The following SPTA1 variants were observed in gnomAD, a reference collection of about 807,000 sequenced individuals.
The protein encoded by SPTA1 is spectrin alpha, erythrocytic 1.
A neutral mutation model predicts 324.7 loss-of-function variants in SPTA1; 177 were observed. That is an observed-to-expected ratio of 0.55 (90% confidence interval 0.48 to 0.62). The LOEUF is 0.62. Among genes scored for constraint, SPTA1 ranks in the 20% least tolerant of loss-of-function variants. The pLI is 0.00. For missense variants in SPTA1, 3,162 were observed against 2,883.6 expected, an observed-to-expected ratio of 1.10 and a Z score of -2.21; for synonymous variants, 1,195 against 1,041.3, an observed-to-expected ratio of 1.15 and a Z score of -2.84.
At chr1:158,613,378 C>A (rs988642181) in intron 50 of SPTA1, among the ~76,000 whole-genome samples, 1 of 152,034 alleles carries the variant, frequency 6.6e-6, no homozygotes, top group Admixed American at 6.6e-5. Flanking sequence ...CCACCCCAAC[C>A]CCATGTGTTG....
Position 158,666,441 on chromosome 1 carries a change from A to G in SPTA1, c.2095T>C (p.Leu699=), listed in dbSNP as rs1373200816. 6.2e-7 allele frequency: 1 copy of G among 1,613,260 alleles called. No individual in the cohort carries two copies. Among genetic ancestry groups the G allele is most frequent in the Admixed American group, 1.7e-5 (1 of 59,974 alleles). ...TCAACATCCTCCAGCCAGCGCTGCAAATCTTCTGCATTATTTTCAAATTGC... is the reference window on the plus strand; with the variant it reads ...TCAACATCCTCCAGCCAGCGCTGCAGATCTTCTGCATTATTTTCAAATTGC... ...QLQFENNAED[L]QRWLEDVEWQ... is the part of the protein sequence containing the mutation. Residue 699 remains leucine, a synonymous_variant, in exon 16 of 52, where the codon TTG becomes CTG. Coordinates refer to ENST00000643759, the MANE Select transcript of SPTA1 (RefSeq NM_003126.4).
At chr1:158,662,665 C>A (rs1653311764) in intron 17 of SPTA1, 37 bp downstream of exon 17, 1 of 1,612,852 alleles carries the variant, frequency 6.2e-7, no homozygotes, top group Admixed American at 1.7e-5. Context: ...GACCTTGGTC[C>A]TTTCCTAGTG....
intron 16 of SPTA1, among the ~76,000 whole-genome samples, chr1:158,663,226 G>C (rs1054603860): frequency 1.3e-5 from 2 of 152,192 alleles, no homozygotes; most frequent in Admixed American, 6.5e-5. Flanking sequence ...TAGAATTGCA[G>C]AGTTTGATTG....
In SPTA1 at chr1:158,613,052, A is replaced by G. The variant is rs1571366834; in HGVS notation, c.6990-91T>C. The G allele has an allele frequency of 4.3e-6, 6 of 1,396,760 alleles. No homozygotes were observed. The East Asian group carries it at 1.4e-4, about 33-fold the overall frequency. 86.5% of individuals were successfully genotyped at this position (1,396,760 alleles called of 1,614,324 possible). A position where few individuals can be genotyped will look rare whatever the true frequency, so the allele number is the denominator to read the frequency against. The stretch of plus-strand genomic sequence containing the variant: ...CTACTCAGTGTCTCAGAAACAGAGG[A>G]AAGCCAGATTCTCCAAGTGCCTCTT... On this transcript the variant is annotated intron_variant, in intron 50 of 51. Coordinates refer to ENST00000643759, the MANE Select transcript of SPTA1 (RefSeq NM_003126.4).
chr1:158,662,616 G>A, intron 17 of SPTA1, 86 bp downstream of exon 17: 2 of 1,584,744 alleles, frequency 1.3e-6, no homozygotes, highest in Non-Finnish European at 1.7e-6. Flanking sequence ...AAGCTTTCTA[G>A]ACTCCAACTA....
At position 158,656,665 on chromosome 1, in the gene SPTA1, A is replaced by C. The variant is rs777841661; in HGVS notation, c.2806-9T>G. ...TGCTTCTTTAGAAGAGCCTGCATTT[A>C]TTGATGGAAGATCATCAGAATGAAT... On this transcript the variant is annotated splice_polypyrimidine_tract_variant and intron_variant, in intron 19 of 51. Transcript: ENST00000643759. 6.2e-7 allele frequency: 1 copy of C among 1,607,866 alleles called. No individual in the cohort carries two copies. Among genetic ancestry groups the C allele is most frequent in the East Asian group, 2.2e-5 (1 of 44,828 alleles).
chr1:158,618,729 G>A (rs1160272866), intron 45 of SPTA1, among the ~76,000 whole-genome samples: 1 of 152,132 alleles, frequency 6.6e-6, no homozygotes, highest in African/African-American at 2.4e-5. Flanking sequence ...GGTATTCATA[G>A]AAGATTCTGC....
intron 31 of SPTA1, 62 bp downstream of exon 31, chr1:158,643,260 T>C (rs1373933440): frequency 1.3e-6 from 2 of 1,582,672 alleles, no homozygotes; most frequent in East Asian, 2.2e-5. Flanking sequence ...ATCTCAATGC[T>C]AGCAAAAAGG....
rs759247979 is a variant in SPTA1, at chr1:158,642,896, T to A, written c.4523A>T (p.Asp1508Val). Residue 1508 changes from aspartate to valine, a missense_variant, in exon 32 of 52, where the codon GAC becomes GTC. Physicochemically the swap from Asp to Val is radical, Grantham distance 152. Transcript: ENST00000643759. ...DYANLKQFYR[D>V]LEELEEWISE... ...GATCCATTCTTCCAGCTCCTCAAGG[T>A]CTCGGTAGAATTGTTTTAGGTTGGC... 1.7e-5 allele frequency: 28 copies of A among 1,613,766 alleles called. No homozygotes were observed. The highest frequency in any genetic ancestry group is 2.2e-5 in the Non-Finnish European group (26 of 1,179,894).
In SPTA1 at chr1:158,680,683, G is replaced by T. The variant is rs778268936; in HGVS notation, c.578C>A (p.Thr193Asn). The change falls in exon 5 of 52, where the codon ACC becomes AAC. Residue 193 changes from threonine to asparagine, a missense_variant. By Grantham distance (65) the Thr-to-Asn change is moderately conservative (BLOSUM62 0). Coordinates refer to ENST00000643759, the MANE Select transcript of SPTA1 (RefSeq NM_003126.4). The stretch of plus-strand genomic sequence containing the variant: ...TTCAAATTTCTTATGCAGAACTTCG[G>T]TGCGCTCCCAGTCTTCACCTAGCTC... ...SVELGEDWER[T>N]EVLHKKFEDF... is the part of the protein sequence containing the mutation. 6.2e-7 allele frequency: 1 copy of T among 1,613,810 alleles called. No homozygotes were observed. The highest frequency in any genetic ancestry group is 1.1e-5 in the South Asian group (1 of 91,086).
Position 158,671,225 on chromosome 1 carries a change from G to C in SPTA1, c.1599+118C>G. On this transcript the variant is annotated intron_variant, in intron 12 of 51. Coordinates refer to ENST00000643759, the MANE Select transcript of SPTA1 (RefSeq NM_003126.4). ...GAAAGAAGAGATGCAACTTGATTAG[G>C]GATAATCCTCAGGCTATGTCTGGTA... 4.0e-6 allele frequency: 3 copies of C among 746,614 alleles called. No individual in the cohort carries two copies. In the Admixed American group the frequency reaches 6.0e-5, roughly 15 times the overall value. 46.2% of individuals were successfully genotyped at this position (746,614 alleles called of 1,614,324 possible).
At chr1:158,623,532 A>G (rs558695772) in intron 42 of SPTA1, among the ~76,000 whole-genome samples, 1 of 152,072 alleles carries the variant, frequency 6.6e-6, no homozygotes, top group African/African-American at 2.4e-5. Flanking sequence ...GTGGGCAGTT[A>G]CTCTCATGCT....
At chr1:158,677,654 C>T in intron 7 of SPTA1, 36 bp downstream of exon 7, 4 of 1,611,404 alleles carry the variant, frequency 2.5e-6, no homozygotes, top group Non-Finnish European at 3.4e-6. Context: ...CCTCTTCTAG[C>T]TCAACGGGTT....
At chr1:158,683,520 T>G (rs201203552) in intron 2 of SPTA1, 24 bp from the exon 3 acceptor site, 620 of 1,612,354 alleles carry the variant, frequency 3.8e-4, no homozygotes, top group Non-Finnish European at 5.0e-4. Flanking sequence ...ATCAGAGTTT[T>G]TGTCTAATGA....
chr1:158,670,992 A>T (rs1261310695), intron 12 of SPTA1, among the ~76,000 whole-genome samples: 2 of 152,114 alleles, frequency 1.3e-5, no homozygotes, highest in South Asian at 2.1e-4. Flanking sequence ...CATCAGAAAA[A>T]AAAAACATGG....
intron 3 of SPTA1, 40 bp from the exon 4 acceptor site, chr1:158,681,707 T>C (rs372937355): frequency 1.2e-5 from 19 of 1,612,918 alleles, no homozygotes; most frequent in South Asian, 2.2e-5. Flanking sequence ...CCACAGACAC[T>C]GGGAGCAGGG....
chr1:158,619,429 C>T (rs1296822552), intron 44 of SPTA1, 95 bp from the exon 45 acceptor site: 1 of 1,207,770 alleles, frequency 8.3e-7, no homozygotes, highest in Non-Finnish European at 1.2e-6. Flanking sequence ...TATCTTTCCT[C>T]TCTCAAGTCT....
intron 48 of SPTA1, 124 bp from the exon 49 acceptor site, chr1:158,614,430 G>C: frequency 1.4e-6 from 1 of 731,892 alleles, no homozygotes. Flanking sequence ...TCTAGTTCAA[G>C]AGTTGGCAAA....
chr1:158,662,635 C>G (rs1303736877), intron 17 of SPTA1, 67 bp downstream of exon 17: 2 of 1,608,566 alleles, frequency 1.2e-6, no homozygotes, highest in Non-Finnish European at 1.7e-6. Flanking sequence ...TACTGTACCC[C>G]AGATCTCTCT....
Sources: allele counts gnomAD v4.1 joint callset (sites outside exome capture counted in the v4.1 genomes callset), GRCh38; gene constraint gnomAD v4.1.1; transcripts MANE v1.5; gene names NCBI Gene and HGNC (gene_info 2026-07-23, HGNC 2026-07-21).